CDH13: variants seen among roughly 807,000 people sequenced by gnomAD.
The protein encoded by CDH13 is cadherin 13.
Under a neutral mutation model 63.8 loss-of-function variants are expected in CDH13, and 24 were observed. That is an observed-to-expected ratio of 0.38 (90% CI 0.27 to 0.53). The LOEUF (loss-of-function observed/expected upper bound fraction) is 0.53, where lower values mean the gene tolerates loss of function less well. Ranked by LOEUF, CDH13 falls within the 20% of genes least tolerant of loss-of-function variation. The pLI, the probability that CDH13 is intolerant of heterozygous loss-of-function variation, is 0.85. For synonymous variants in CDH13, 503 were observed against 355.3 expected (o/e 1.42, Z -4.67); for missense variants, 1,049 against 903.1 (o/e 1.16, Z -2.07).
At chr16:83,521,323 C>G (rs550165135) in intron 7 of CDH13, among the ~76,000 whole-genome samples, 79 of 151,516 alleles carry the variant, frequency 5.2e-4, no homozygotes, top group African/African-American at 1.7e-3. Context: ...AGAGAAGGTA[C>G]TCTTTGCTCT....
At chr16:83,093,222 A>G (rs962351730) in intron 3 of CDH13, among the ~76,000 whole-genome samples, 1 of 147,804 alleles carries the variant, frequency 6.8e-6, no homozygotes, top group African/African-American at 2.5e-5. Flanking sequence ...CATTATTGAA[A>G]TAATTGACTC....
chr16:83,125,401 C>T lies in CDH13; in HGVS notation c.383C>T (p.Ala128Val), dbSNP rs1005593951. The change falls in exon 4 of 14, where the codon GCA (alanine) becomes GTA (valine). Residue 128 changes from alanine to valine, a missense_variant. Physicochemically the swap from Ala to Val is moderately conservative, Grantham distance 64. Coordinates refer to ENST00000567109, the MANE Select transcript of CDH13 (RefSeq NM_001257.5). ...QGSLQDIFKF[A>V]RTSPVPRQKR... ...CCCTTTTAGGATATATTTAAATTTG[C>T]AAGAACTTCTCCTGTCCCAAGACAA... 3 of 1,594,936 alleles carry T rather than the reference C, an allele frequency of 1.9e-6. No individual in the cohort carries two copies. The highest frequency in any genetic ancestry group is 2.6e-6 in the Non-Finnish European group (3 of 1,162,988).
chr16:83,085,540 C>A (rs1172278791), intron 3 of CDH13, among the ~76,000 whole-genome samples: 1 of 152,182 alleles, frequency 6.6e-6, no homozygotes, highest in East Asian at 1.9e-4. Context: ...AAAGTCTTAT[C>A]AAAAACCACT....
At chr16:83,411,186 T>G (rs2092120804) in intron 6 of CDH13, among the ~76,000 whole-genome samples, 1 of 152,186 alleles carries the variant, frequency 6.6e-6, no homozygotes, top group African/African-American at 2.4e-5. Context: ...TCCTTTAGCC[T>G]GAAACAATCA....
At chr16:83,067,683 A>G (rs1248934617) in intron 3 of CDH13, among the ~76,000 whole-genome samples, 1 of 152,220 alleles carries the variant, frequency 6.6e-6, no homozygotes, top group Non-Finnish European at 1.5e-5. Flanking sequence ...AACATGACTG[A>G]ATAACAAAAG....
At chr16:83,450,335 C>T (rs561324842) in intron 6 of CDH13, among the ~76,000 whole-genome samples, 18 of 152,234 alleles carry the variant, frequency 1.2e-4, no homozygotes, top group African/African-American at 4.3e-4. Flanking sequence ...TACGTGGTCC[C>T]TGGGGTTGGA....
intron 3 of CDH13, among the ~76,000 whole-genome samples, chr16:83,081,756 T>C (rs1403483226): frequency 6.6e-6 from 1 of 151,780 alleles, no homozygotes; most frequent in Non-Finnish European, 1.5e-5. Context: ...AGAATGGTAC[T>C]AATTCCATCA....
At chr16:82,786,502 G>A (rs1476793950) in intron 1 of CDH13, among the ~76,000 whole-genome samples, 1 of 142,584 alleles carries the variant, frequency 7.0e-6, no homozygotes, top group Non-Finnish European at 1.5e-5. Flanking sequence ...TCTTTTGTGT[G>A]TGTGTGTGTG....
chr16:83,778,055 C>T (rs1915244044), intron 11 of CDH13, among the ~76,000 whole-genome samples: 1 of 152,184 alleles, frequency 6.6e-6, no homozygotes, highest in Non-Finnish European at 1.5e-5. Context: ...TAAGGCAAAT[C>T]TGTATACTTA....
intron 4 of CDH13, among the ~76,000 whole-genome samples, chr16:83,188,134 G>C (rs2038584476): frequency 6.6e-6 from 1 of 152,190 alleles, no homozygotes; most frequent in African/African-American, 2.4e-5. Context: ...TATTCTAATT[G>C]AGTGGGAAAG....
chr16:83,195,905 G>A (rs2038865314), intron 4 of CDH13, among the ~76,000 whole-genome samples: 1 of 152,156 alleles, frequency 6.6e-6, no homozygotes, highest in Non-Finnish European at 1.5e-5. Flanking sequence ...TGGAGCCATT[G>A]GACATCTGAA....
At chr16:83,007,241 C>A (rs7190148) in intron 2 of CDH13, among the ~76,000 whole-genome samples, 39,711 of 152,076 alleles carry the variant, frequency 0.26, 5,698 homozygotes, top group Non-Finnish European at 0.34. Flanking sequence ...AAATTCTAAT[C>A]ATAGTGATGT....
chr16:83,792,749 A>G (rs566669678), intron 13 of CDH13, among the ~76,000 whole-genome samples: 1 of 138,534 alleles, frequency 7.2e-6, no homozygotes, highest in Admixed American at 7.1e-5. Flanking sequence ...GACAACATCA[A>G]TGGCTTTTGC....
At chr16:82,639,179 G>A (rs1909072525) in intron 1 of CDH13, among the ~76,000 whole-genome samples, 2 of 151,974 alleles carry the variant, frequency 1.3e-5, no homozygotes, top group Admixed American at 1.3e-4. Flanking sequence ...TGTCTATTTT[G>A]TTCTCTACCT....
chr16:83,238,486 A>C (rs977238982), intron 5 of CDH13, among the ~76,000 whole-genome samples: 1 of 152,200 alleles, frequency 6.6e-6, no homozygotes, highest in Non-Finnish European at 1.5e-5. Flanking sequence ...TGGAGCTACA[A>C]TTCAAGATGA....
chr16:83,770,735 G>A (rs561993575), intron 11 of CDH13, among the ~76,000 whole-genome samples: 6 of 152,286 alleles, frequency 3.9e-5, no homozygotes, highest in Non-Finnish European at 7.3e-5. Flanking sequence ...CATGGTGCTG[G>A]TGGGAGTGCA....
chr16:83,483,687 C>T (rs1045116617), intron 6 of CDH13, among the ~76,000 whole-genome samples: 1 of 152,166 alleles, frequency 6.6e-6, no homozygotes, highest in Non-Finnish European at 1.5e-5. Flanking sequence ...AAGGCCTCCT[C>T]CTATGTCTTT....
At chr16:83,059,948 C>T (rs2031375221) in intron 3 of CDH13, among the ~76,000 whole-genome samples, 1 of 151,844 alleles carries the variant, frequency 6.6e-6, no homozygotes, top group Non-Finnish European at 1.5e-5. Context: ...TGCCCGCCAG[C>T]ACACCCAGCT....
chr16:83,015,147 G>T (rs1025754919), intron 2 of CDH13, among the ~76,000 whole-genome samples: 3 of 151,838 alleles, frequency 2.0e-5, no homozygotes, highest in African/African-American at 7.3e-5. Context: ...TAATCAAAAT[G>T]TGTGGCTAAT....
Sources: allele counts gnomAD v4.1 joint callset (sites outside exome capture counted in the v4.1 genomes callset), GRCh38; gene constraint gnomAD v4.1.1; transcripts MANE v1.5; gene names NCBI Gene and HGNC (gene_info 2026-07-23, HGNC 2026-07-21).